The following SNTB2 variants were observed in gnomAD, a reference collection of about 807,000 sequenced individuals.
SNTB2 encodes syntrophin beta 2.
A neutral mutation model predicts 46.2 loss-of-function variants in SNTB2; 34 were observed. The observed-to-expected ratio is 0.74, with a 90% confidence interval of 0.56 to 0.98. The LOEUF (loss-of-function observed/expected upper bound fraction) is 0.98. Among genes scored for constraint, SNTB2 ranks in the 50% least tolerant of loss-of-function variants. The pLI is 0.00. For synonymous variants in SNTB2, 290 were observed against 312.6 expected (o/e 0.93, Z 0.76); for missense variants, 603 against 731.4 (o/e 0.82, Z 2.02).
chr16:69,292,354 TTA>T (rs1166147915), intron 5 of SNTB2, among the ~76,000 whole-genome samples: 7,762 of 36,066 alleles, frequency 0.22, 1,532 homozygotes, highest in East Asian at 0.36. Context: ...ACCTTATTTT[TTA>T]TATATATATA....
intron 1 of SNTB2, among the ~76,000 whole-genome samples, chr16:69,217,062 A>C (rs551936033): frequency 2.0e-5 from 3 of 152,200 alleles, no homozygotes; most frequent in Non-Finnish European, 4.4e-5. Flanking sequence ...TGACATAGAA[A>C]AAGTGAGTTA....
At chr16:69,188,947 T>A (rs1020590284) in intron 1 of SNTB2, among the ~76,000 whole-genome samples, 3 of 152,026 alleles carry the variant, frequency 2.0e-5, no homozygotes, top group Non-Finnish European at 4.4e-5. Flanking sequence ...GTGATGGACA[T>A]AGGCAGGCAG....
chr16:69,274,327 G>A (rs1325693410), intron 4 of SNTB2, among the ~76,000 whole-genome samples: 1 of 145,654 alleles, frequency 6.9e-6, no homozygotes, highest in Admixed American at 6.9e-5. Flanking sequence ...AAAAAAAAAA[G>A]TATAATAATT....
intron 5 of SNTB2, among the ~76,000 whole-genome samples, chr16:69,298,698 T>C (rs1965249944): frequency 6.6e-6 from 1 of 151,882 alleles, no homozygotes; most frequent in Non-Finnish European, 1.5e-5. Context: ...ATTTTTGTAT[T>C]TTTAGTAGAG....
At chr16:69,294,610 G>A (rs769803921) in intron 5 of SNTB2, among the ~76,000 whole-genome samples, 1 of 151,866 alleles carries the variant, frequency 6.6e-6, no homozygotes, top group Non-Finnish European at 1.5e-5. Context: ...GTGCGCCCCT[G>A]TAGTCCCAGC....
chr16:69,213,822 CTTTTTTTTTTTTT>C (rs35759695), intron 1 of SNTB2, among the ~76,000 whole-genome samples: 7 of 91,636 alleles, frequency 7.6e-5, no homozygotes, highest in Non-Finnish European at 1.4e-4. Context: ...TTTTAGAGTT[CTTTTTTTTTTTTT>C]TTTTTTTTTG....
intron 3 of SNTB2, among the ~76,000 whole-genome samples, chr16:69,269,769 A>G (rs569150269): frequency 6.6e-6 from 1 of 152,198 alleles, no homozygotes; most frequent in Non-Finnish European, 1.5e-5. Flanking sequence ...ACATATTACT[A>G]TATATTTAAT....
At chr16:69,259,754 C>T (rs963996340) in intron 2 of SNTB2, among the ~76,000 whole-genome samples, 1 of 151,720 alleles carries the variant, frequency 6.6e-6, no homozygotes, top group Non-Finnish European at 1.5e-5. Flanking sequence ...GGATTACAGG[C>T]ACCCACCACC....
intron 1 of SNTB2, among the ~76,000 whole-genome samples, chr16:69,196,370 C>CTT (rs1336841687): frequency 2.0e-5 from 3 of 147,914 alleles, no homozygotes; most frequent in Non-Finnish European, 4.5e-5. Flanking sequence ...TTTTTCTTTT[C>CTT]TTTTTCTTTT....
chr16:69,218,767 G>A (rs568151566), intron 1 of SNTB2, among the ~76,000 whole-genome samples: 15 of 152,230 alleles, frequency 9.9e-5, no homozygotes, highest in Non-Finnish European at 1.3e-4. Context: ...AGGTCTGAAG[G>A]TAGACTCTTT....
intron 1 of SNTB2, among the ~76,000 whole-genome samples, chr16:69,206,761 T>A (rs956041425): frequency 5.3e-5 from 8 of 152,040 alleles, no homozygotes; most frequent in African/African-American, 1.9e-4. Flanking sequence ...TGCATTTTTA[T>A]TTTTATATAC....
At chr16:69,204,075 T>A (rs1003552326) in intron 1 of SNTB2, among the ~76,000 whole-genome samples, 1 of 152,192 alleles carries the variant, frequency 6.6e-6, no homozygotes, top group African/African-American at 2.4e-5. Context: ...GTATTTTTAG[T>A]GGAGCCGGAG....
In SNTB2 at chr16:69,270,058, C is replaced by T. The variant is rs1415685642; in HGVS notation, c.1006-85C>T. The stretch of plus-strand genomic sequence containing the variant: ...AGGTTGGGAAAACAAAATGGAGACC[C>T]ATTGTGTTAGGCCATCATTGAAGGA... On this transcript the variant is annotated intron_variant, in intron 3 of 6. Transcript: ENST00000336278. The T allele has an allele frequency of 2.7e-6, 4 of 1,492,562 alleles. No individual in the cohort carries two copies. The African/African-American group carries it at 5.5e-5, about 21-fold the overall frequency. The allele number at this position is 1,492,562 out of a possible 1,614,324, so 92.5% of individuals were successfully genotyped here.
chr16:69,251,864 T>C (rs1964730509), intron 2 of SNTB2, among the ~76,000 whole-genome samples: 1 of 152,130 alleles, frequency 6.6e-6, no homozygotes, highest in Non-Finnish European at 1.5e-5. Context: ...GGCGGGTGGA[T>C]CACCTGAGGT....
rs1965325584 is a variant in SNTB2, at chr16:69,307,549, A to C, written c.*6625A>C. 6.6e-6 allele frequency: 1 copy of C among 152,234 alleles called. No individual in the cohort carries two copies. The highest frequency in any genetic ancestry group is 2.1e-4 in the South Asian group (1 of 4,834). 9.4% of individuals were successfully genotyped at this position (152,234 alleles called of 1,614,324 possible). A position where few individuals can be genotyped will look rare whatever the true frequency, so the allele number is the denominator to read the frequency against. Reference sequence around the variant, plus strand: ...TAACTGTAACAGCAAAACTAAATGCATATTTTATCAACCCCTTATTTCTAA... The same window carrying C: ...TAACTGTAACAGCAAAACTAAATGCCTATTTTATCAACCCCTTATTTCTAA... On this transcript the variant is annotated 3_prime_UTR_variant, in exon 7 of 7. Coordinates refer to ENST00000336278, the MANE Select transcript of SNTB2 (RefSeq NM_006750.4).
chr16:69,252,591 A>T (rs1964737046), intron 2 of SNTB2, among the ~76,000 whole-genome samples: 1 of 152,250 alleles, frequency 6.6e-6, no homozygotes, highest in Non-Finnish European at 1.5e-5. Flanking sequence ...TTATATGATT[A>T]TTACTAAGTT....
intron 3 of SNTB2, among the ~76,000 whole-genome samples, chr16:69,263,946 G>A (rs548143690): frequency 8.0e-5 from 12 of 150,476 alleles, no homozygotes; most frequent in Non-Finnish European, 1.5e-4. Flanking sequence ...TCGGCTCACT[G>A]CAAGCTCCGC....
At position 69,274,639 on chromosome 16, in the gene SNTB2, C is replaced by T. The variant is rs547083451; in HGVS notation, c.1148+4354C>T. The stretch of plus-strand genomic sequence containing the variant: ...CTGCACTCCTGCCTGGGAGACAGAG[C>T]GAGACTCCATCTCAAAAAAAAAAAA... On this transcript the variant is annotated intron_variant, in intron 4 of 6. Coordinates refer to ENST00000336278, the MANE Select transcript of SNTB2 (RefSeq NM_006750.4). 9.5e-5 allele frequency among the ~76,000 whole-genome samples: 13 copies of T among 136,666 alleles called. No homozygotes were observed. In the East Asian group the frequency reaches 2.8e-3, roughly 30 times the overall value. 89.7% of individuals were successfully genotyped at this position (136,666 alleles called of 152,430 possible). A position where few individuals can be genotyped will look rare whatever the true frequency, so the allele number is the denominator to read the frequency against.
intron 1 of SNTB2, among the ~76,000 whole-genome samples, chr16:69,209,476 G>C (rs1964257559): frequency 6.6e-6 from 1 of 152,090 alleles, no homozygotes; most frequent in Non-Finnish European, 1.5e-5. Context: ...TTTGACATCA[G>C]ATTAAATTTG....
Sources: gnomAD v4.1 joint callset for allele counts (sites outside exome capture counted in the v4.1 genomes callset) on GRCh38, gnomAD v4.1.1 for gene constraint, MANE v1.5 for transcripts, NCBI Gene and HGNC (gene_info 2026-07-23, HGNC 2026-07-21) for gene names.